AP4S1: variants seen among roughly 807,000 people sequenced by gnomAD.
AP4S1 encodes adaptor related protein complex 4 subunit sigma 1.
A neutral mutation model predicts 19.8 loss-of-function variants in AP4S1; 23 were observed. That is an observed-to-expected ratio of 1.16 (90% CI 0.84 to 1.65). The LOEUF (loss-of-function observed/expected upper bound fraction) is 1.65, where lower values mean the gene tolerates loss of function less well. Among genes scored for constraint, AP4S1 ranks in the 40% most tolerant of loss-of-function variants. The pLI is 0.00. For missense variants in AP4S1, 166 were observed against 172.8 expected (o/e 0.96, Z 0.22); for synonymous variants, 46 against 54.1 (o/e 0.85, Z 0.66).
intron 1 of AP4S1, among the ~76,000 whole-genome samples, chr14:31,030,376 C>CT (rs1398587948): frequency 4.6e-5 from 7 of 152,068 alleles, no homozygotes; most frequent in Admixed American, 1.3e-4. Context: ...TGCTTTATTC[C>CT]TTTCTATTTT....
chr14:31,035,280 C>T (rs1030272344), intron 1 of AP4S1, among the ~76,000 whole-genome samples: 2 of 149,656 alleles, frequency 1.3e-5, no homozygotes, highest in East Asian at 2.0e-4. Flanking sequence ...CCGCAACCTC[C>T]GCCTCCCGGG....
At chr14:31,033,941 A>G (rs2139418727) in intron 1 of AP4S1, among the ~76,000 whole-genome samples, 1 of 152,372 alleles carries the variant, frequency 6.6e-6, no homozygotes, top group East Asian at 1.9e-4. Flanking sequence ...ACTCATAGAG[A>G]TGTCAAAATT....
At chr14:31,066,710 A>G (rs912995231) in intron 2 of AP4S1, among the ~76,000 whole-genome samples, 12 of 152,168 alleles carry the variant, frequency 7.9e-5, no homozygotes, top group African/African-American at 2.7e-4. Flanking sequence ...AAGCCAAAAA[A>G]TGAAGATCAG....
At chr14:31,025,335 ACTTCACAG>A (rs1883760823), upstream of AP4S1, 1 of 155,556 alleles carries the variant, frequency 6.4e-6, no homozygotes, top group Non-Finnish European at 1.4e-5. Context: ...GGGAAATAAA[ACTTCACAG>A]GTCAGTCCCA....
chr14:31,025,473 G>A (rs1883779306), upstream of AP4S1: 1 of 170,340 alleles, frequency 5.9e-6, no homozygotes, highest in Non-Finnish European at 1.2e-5. Flanking sequence ...TCCGGAAAAG[G>A]GGGGTAAGAT....
intron 5 of AP4S1, among the ~76,000 whole-genome samples, chr14:31,082,895 CAA>C (rs769994048): frequency 1.6e-4 from 15 of 96,226 alleles, no homozygotes; most frequent in African/African-American, 1.2e-4. Context: ...GACTCCGTCT[CAA>C]AAAAAAAAAA....
chr14:31,025,929 C>A, intron 1 of AP4S1, 142 bp downstream of exon 1: 1 of 1,601,328 alleles, frequency 6.2e-7, no homozygotes, highest in East Asian at 2.3e-5. Context: ...TTCCACCTCC[C>A]AGTGCGCCCG....
chr14:31,025,551 G>A (rs1349518615), upstream of AP4S1: 10 of 326,028 alleles, frequency 3.1e-5, no homozygotes, highest in Non-Finnish European at 5.8e-5. Flanking sequence ...ACTCAGTGTT[G>A]AGAGGCCCCA....
chr14:31,057,044 A>G (rs4981817), intron 1 of AP4S1, among the ~76,000 whole-genome samples: 118,672 of 151,930 alleles, frequency 0.78, 46,609 homozygotes, highest in Admixed American at 0.82. Flanking sequence ...ACTACACTCC[A>G]GCCTCGGTGA....
At chr14:31,065,420 C>T (rs909333867) in intron 1 of AP4S1, among the ~76,000 whole-genome samples, 1 of 152,172 alleles carries the variant, frequency 6.6e-6, no homozygotes, top group Non-Finnish European at 1.5e-5. Flanking sequence ...TATAACTCAT[C>T]ACCTTGTACT....
At chr14:31,073,231 C>A in intron 4 of AP4S1, 1 of 390,556 alleles carries the variant, frequency 2.6e-6, no homozygotes, top group Non-Finnish European at 4.8e-6. Flanking sequence ...TGGCTCACGC[C>A]TGTAATCCCA....
At chr14:31,082,325 A>G (rs1229868128) in intron 5 of AP4S1, among the ~76,000 whole-genome samples, 7 of 152,218 alleles carry the variant, frequency 4.6e-5, no homozygotes, top group African/African-American at 1.7e-4. Context: ...TTCACTCAGC[A>G]TGGTCTGTAT....
chr14:31,028,378 A>G (rs1884173034), intron 1 of AP4S1, among the ~76,000 whole-genome samples: 1 of 151,882 alleles, frequency 6.6e-6, no homozygotes. Context: ...GGGTTTTGTC[A>G]TGATGCCCAG....
At chr14:31,053,327 G>A (rs963444904) in intron 1 of AP4S1, among the ~76,000 whole-genome samples, 1 of 152,122 alleles carries the variant, frequency 6.6e-6, no homozygotes, top group Non-Finnish European at 1.5e-5. Flanking sequence ...ACTCCCAGTT[G>A]ACAGTGCAAG....
At chr14:31,048,587 A>G (rs995112203) in intron 1 of AP4S1, among the ~76,000 whole-genome samples, 1 of 151,978 alleles carries the variant, frequency 6.6e-6, no homozygotes, top group East Asian at 1.9e-4. Context: ...AAAAATACAA[A>G]AATTAGCTGG....
At chr14:31,074,183 G>T (rs1216294337) in intron 4 of AP4S1, among the ~76,000 whole-genome samples, 4 of 151,142 alleles carry the variant, frequency 2.6e-5, no homozygotes, top group Non-Finnish European at 2.9e-5. Flanking sequence ...AAAATTAGTT[G>T]GGCATGGTGG....
intron 1 of AP4S1, among the ~76,000 whole-genome samples, chr14:31,045,481 T>G (rs976647340): frequency 1.3e-5 from 2 of 152,146 alleles, no homozygotes; most frequent in African/African-American, 4.8e-5. Flanking sequence ...CCCCTTCACT[T>G]GGCACTTGTC....
intron 1 of AP4S1, among the ~76,000 whole-genome samples, chr14:31,037,002 C>T (rs1884816934): frequency 6.6e-6 from 1 of 150,812 alleles, no homozygotes; most frequent in Non-Finnish European, 1.5e-5. Flanking sequence ...TTAGTAGAGA[C>T]AGGGTTTCAC....
intron 1 of AP4S1, among the ~76,000 whole-genome samples, chr14:31,039,567 G>A (rs1320050198): frequency 1.4e-5 from 2 of 143,426 alleles, no homozygotes; most frequent in African/African-American, 5.3e-5. Context: ...AATAGGTGTA[G>A]TTTTGTTTTT....
Sources: gnomAD v4.1 joint callset for allele counts (sites outside exome capture counted in the v4.1 genomes callset) on GRCh38, gnomAD v4.1.1 for gene constraint, MANE v1.5 for transcripts, NCBI Gene and HGNC (gene_info 2026-07-23, HGNC 2026-07-21) for gene names.